Variants in ENTREP2 observed in about 807,000 individuals in gnomAD.
The protein encoded by ENTREP2 is protein ENTREP2.
chr15:29,423,221 C>T, the ENTREP2 span, among the ~76,000 whole-genome samples: 2 of 152,124 alleles, frequency 1.3e-5, no homozygotes, highest in African/African-American at 4.8e-5. Flanking sequence ...CATTTAACAT[C>T]TTGTATACAC....
the ENTREP2 span, among the ~76,000 whole-genome samples, chr15:29,173,396 A>G: frequency 6.6e-6 from 1 of 152,216 alleles, no homozygotes; most frequent in East Asian, 1.9e-4. Context: ...CTCACACCCC[A>G]CAAAAGATCC....
At chr15:29,537,130 T>C in the ENTREP2 span, among the ~76,000 whole-genome samples, 6 of 152,330 alleles carry the variant, frequency 3.9e-5, no homozygotes, top group Non-Finnish European at 5.9e-5. Context: ...TAATAAATTT[T>C]CCTTCTGCTT....
chr15:29,207,520 G>A, the ENTREP2 span, among the ~76,000 whole-genome samples: 1 of 151,938 alleles, frequency 6.6e-6, no homozygotes, highest in Non-Finnish European at 1.5e-5. Context: ...TGTCCTATCA[G>A]AATGCCCTTT....
the ENTREP2 span, among the ~76,000 whole-genome samples, chr15:29,302,947 C>T: frequency 2.0e-5 from 3 of 152,112 alleles, no homozygotes; most frequent in Admixed American, 6.5e-5. Flanking sequence ...GATCCTGATC[C>T]GGTTCATGAG....
chr15:29,564,542 G>A, the ENTREP2 span, among the ~76,000 whole-genome samples: 1 of 152,130 alleles, frequency 6.6e-6, no homozygotes, highest in African/African-American at 2.4e-5. Context: ...CCACCACATC[G>A]ACGCTGATTC....
the ENTREP2 span, among the ~76,000 whole-genome samples, chr15:29,263,954 A>G: frequency 6.6e-6 from 1 of 152,016 alleles, no homozygotes. Context: ...GGAGATTGAG[A>G]CCATCCTGGC....
the ENTREP2 span, among the ~76,000 whole-genome samples, chr15:29,138,611 T>G: frequency 6.6e-6 from 1 of 151,480 alleles, no homozygotes; most frequent in African/African-American, 2.4e-5. Context: ...ATGTGTGTGT[T>G]TGTATGTATG....
At chr15:29,355,330 C>T in the ENTREP2 span, among the ~76,000 whole-genome samples, 1 of 152,052 alleles carries the variant, frequency 6.6e-6, no homozygotes, top group African/African-American at 2.4e-5. Context: ...TCCAGGCATC[C>T]CCCAGGACAG....
chr15:29,315,845 C>A, the ENTREP2 span, among the ~76,000 whole-genome samples: 1 of 152,192 alleles, frequency 6.6e-6, no homozygotes, highest in South Asian at 2.1e-4. Flanking sequence ...CTGCTACAGA[C>A]TGACCCCACG....
chr15:29,513,751 T>C, the ENTREP2 span, among the ~76,000 whole-genome samples: 5 of 152,362 alleles, frequency 3.3e-5, no homozygotes, highest in African/African-American at 9.6e-5. Flanking sequence ...CTCAGCTTCA[T>C]GGACACGCTA....
the ENTREP2 span, among the ~76,000 whole-genome samples, chr15:29,647,207 G>A: frequency 3.3e-5 from 5 of 152,332 alleles, no homozygotes; most frequent in African/African-American, 7.2e-5. Flanking sequence ...GTTAATGGAG[G>A]ACATACAATA....
At chr15:29,650,797 C>T in the ENTREP2 span, among the ~76,000 whole-genome samples, 1 of 152,040 alleles carries the variant, frequency 6.6e-6, no homozygotes, top group Non-Finnish European at 1.5e-5. Context: ...TTGCTTGAGA[C>T]CAGGAGTTCA....
chr15:29,363,657 T>C, the ENTREP2 span, among the ~76,000 whole-genome samples: 1 of 152,234 alleles, frequency 6.6e-6, no homozygotes, highest in Admixed American at 6.5e-5. Context: ...TATCTGCATG[T>C]TACATTAAAT....
chr15:29,219,527 A>C, the ENTREP2 span, among the ~76,000 whole-genome samples: 5 of 150,824 alleles, frequency 3.3e-5, no homozygotes, highest in East Asian at 9.7e-4. Flanking sequence ...ACGCATGTTT[A>C]TAGCAGCACA....
chr15:29,240,183 A>T, the ENTREP2 span, among the ~76,000 whole-genome samples: 19 of 152,086 alleles, frequency 1.2e-4, no homozygotes, highest in South Asian at 3.7e-3. Flanking sequence ...ACCAACATGT[A>T]GAAACCCTGT....
At chr15:29,548,503 A>G in the ENTREP2 span, among the ~76,000 whole-genome samples, 2 of 151,706 alleles carry the variant, frequency 1.3e-5, no homozygotes, top group Non-Finnish European at 2.9e-5. Context: ...CGTGTATTTT[A>G]CCACAATTTT....
the ENTREP2 span, among the ~76,000 whole-genome samples, chr15:29,634,149 G>C: frequency 6.6e-6 from 1 of 152,106 alleles, no homozygotes; most frequent in Non-Finnish European, 1.5e-5. Flanking sequence ...ATGTGCACCA[G>C]ATGCCAAGTG....
the ENTREP2 span, among the ~76,000 whole-genome samples, chr15:29,291,288 C>A: frequency 1.3e-5 from 2 of 152,180 alleles, no homozygotes. Context: ...CTCATCCTGA[C>A]GATCTTCTGT....
At chr15:29,528,734 C>T in the ENTREP2 span, among the ~76,000 whole-genome samples, 2 of 149,446 alleles carry the variant, frequency 1.3e-5, no homozygotes, top group Non-Finnish European at 2.9e-5. Context: ...AACGCTCTTT[C>T]GTAATTCACT....
Sources: gnomAD v4.1 joint callset for allele counts (sites outside exome capture counted in the v4.1 genomes callset) on GRCh38, gnomAD v4.1.1 for gene constraint, MANE v1.5 for transcripts, NCBI Gene and HGNC (gene_info 2026-07-23, HGNC 2026-07-21) for gene names.